The following CDH8 variants were observed in gnomAD, a reference collection of about 807,000 sequenced individuals.
The protein encoded by CDH8 is cadherin 8.
In CDH8, 17 loss-of-function variants were observed where a neutral mutation model predicts 68.1. That is an observed-to-expected ratio of 0.25 (90% CI 0.17 to 0.37). The LOEUF is 0.37. CDH8 is among the 10% of genes least tolerant of loss of function. The pLI is 1.00. For missense variants in CDH8, 763 were observed against 999.3 expected (o/e 0.76, Z 3.19); for synonymous variants, 372 against 365.1 (o/e 1.02, Z -0.21).
At chr16:61,692,958 G>A (rs1964259437) in intron 10 of CDH8, 1 of 152,136 alleles carries the variant, frequency 6.6e-6, no homozygotes, top group Non-Finnish European at 1.5e-5. Flanking sequence ...AATTGGTAAA[G>A]TGCCTACGAT....
intron 10 of CDH8, among the ~76,000 whole-genome samples, chr16:61,682,184 T>C (rs1388054174): frequency 6.6e-6 from 1 of 151,994 alleles, no homozygotes; most frequent in Non-Finnish European, 1.5e-5. Flanking sequence ...ATTTTCCTTT[T>C]ATAATAAGTC....
chr16:61,755,765 T>TCTTCTC (rs138172833), intron 8 of CDH8, among the ~76,000 whole-genome samples: 4 of 150,950 alleles, frequency 2.6e-5, no homozygotes, highest in African/African-American at 7.3e-5. Context: ...TTTTTCTTCT[T>TCTTCTC]CTTCTCCTTC....
chr16:62,024,417 A>T (rs1902147090), intron 1 of CDH8, among the ~76,000 whole-genome samples: 2 of 152,182 alleles, frequency 1.3e-5, no homozygotes, highest in African/African-American at 4.8e-5. Flanking sequence ...ATACTCTGGC[A>T]TCTGCTTTGT....
intron 5 of CDH8, among the ~76,000 whole-genome samples, chr16:61,823,502 G>A (rs879567153): frequency 1.3e-5 from 2 of 151,660 alleles, no homozygotes; most frequent in Non-Finnish European, 2.9e-5. Context: ...ACTTTTCTCT[G>A]CATCCAACAC....
rs1567546588 is a variant in CDH8, at chr16:61,960,346, C to CGTGTGTGT, written c.253-58874_253-58873insACACACAC. Among the ~76,000 whole-genome samples, 22 of 58,010 alleles carry CGTGTGTGT rather than the reference C, an allele frequency of 3.8e-4. 8 individuals carry two copies. The highest frequency in any genetic ancestry group is 5.9e-4 in the African/African-American group (6 of 10,166). The allele number at this position is 58,010 out of a possible 152,430, so 38.1% of individuals were successfully genotyped here. On this transcript the variant is annotated intron_variant, in intron 2 of 11. Transcript: ENST00000577390. ...GTGTGTGTGTATACACACATATATA[C>CGTGTGTGT]ATGTGTGTGTGTATACACATACATA... is the stretch of plus-strand genomic sequence containing the variant.
At chr16:61,736,147 G>GGAAGGAAGGAA (rs1567446571) in intron 8 of CDH8, among the ~76,000 whole-genome samples, 27 of 147,930 alleles carry the variant, frequency 1.8e-4, no homozygotes, top group Admixed American at 1.7e-3. Flanking sequence ...AAGGAAGGAA[G>GGAAGGAAGGAA]GAAGGAAGGA....
chr16:61,752,267 A>G (rs1278880917), intron 8 of CDH8, among the ~76,000 whole-genome samples: 2 of 152,194 alleles, frequency 1.3e-5, no homozygotes, highest in Non-Finnish European at 2.9e-5. Flanking sequence ...ATGTTATGGC[A>G]GAGACTCTAA....
At chr16:61,681,660 A>C (rs945367611) in intron 10 of CDH8, among the ~76,000 whole-genome samples, 10 of 151,864 alleles carry the variant, frequency 6.6e-5, no homozygotes, top group African/African-American at 2.4e-4. Context: ...AAAATGGGCA[A>C]ATTTTATGGA....
chr16:61,912,143 T>C (rs1964172364), intron 2 of CDH8, among the ~76,000 whole-genome samples: 1 of 152,134 alleles, frequency 6.6e-6, no homozygotes, highest in Non-Finnish European at 1.5e-5. Flanking sequence ...AACAGTCATC[T>C]ACTATGAAAT....
intron 10 of CDH8, among the ~76,000 whole-genome samples, chr16:61,706,357 C>T (rs914506825): frequency 1.3e-5 from 2 of 152,048 alleles, no homozygotes; most frequent in Non-Finnish European, 2.9e-5. Flanking sequence ...GTGGCTCACG[C>T]CTGTAATCCC....
intron 9 of CDH8, chr16:61,726,099 G>A (rs553903269): frequency 4.4e-4 from 67 of 150,930 alleles, no homozygotes; most frequent in African/African-American, 1.5e-3. Flanking sequence ...TGTCAGGTAA[G>A]CTGCTTAGCA....
chr16:61,949,299 A>G (rs1964851020), intron 2 of CDH8, among the ~76,000 whole-genome samples: 1 of 152,078 alleles, frequency 6.6e-6, no homozygotes, highest in African/African-American at 2.4e-5. Flanking sequence ...AAATGCACCA[A>G]TCAGCACTCT....
chr16:61,659,090 T>C (rs1016798993), intron 10 of CDH8, among the ~76,000 whole-genome samples: 1 of 152,230 alleles, frequency 6.6e-6, no homozygotes, highest in Non-Finnish European at 1.5e-5. Flanking sequence ...TCTAAGACTT[T>C]CTTTTTATTT....
chr16:61,885,968 T>C (rs1417575820), intron 3 of CDH8, among the ~76,000 whole-genome samples: 1 of 152,178 alleles, frequency 6.6e-6, no homozygotes, highest in Admixed American at 6.5e-5. Flanking sequence ...AGAGTCTTTT[T>C]TCTTACTGAA....
intron 2 of CDH8, among the ~76,000 whole-genome samples, chr16:61,976,755 T>C (rs1417892504): frequency 2.0e-5 from 3 of 152,172 alleles, no homozygotes; most frequent in African/African-American, 4.8e-5. Context: ...CAAGGCATAA[T>C]GGACTTTGGT....
intron 7 of CDH8, among the ~76,000 whole-genome samples, chr16:61,791,631 A>G (rs1190329697): frequency 6.6e-6 from 1 of 152,056 alleles, no homozygotes; most frequent in Non-Finnish European, 1.5e-5. Context: ...AACAAGAATC[A>G]GTCTGATCAC....
At chr16:61,871,714 G>T (rs1963367525) in intron 3 of CDH8, among the ~76,000 whole-genome samples, 1 of 149,146 alleles carries the variant, frequency 6.7e-6, no homozygotes, top group African/African-American at 2.5e-5. Flanking sequence ...CCACTGGCCT[G>T]GGTCCCAATA....
chr16:61,751,800 T>TA (rs1266673248), intron 8 of CDH8, among the ~76,000 whole-genome samples: 1 of 152,144 alleles, frequency 6.6e-6, no homozygotes, highest in African/African-American at 2.4e-5. Flanking sequence ...CTAGTTCAAA[T>TA]ATTTGAAGAT....
At chr16:61,746,500 G>A (rs1205388612) in intron 8 of CDH8, among the ~76,000 whole-genome samples, 3 of 151,500 alleles carry the variant, frequency 2.0e-5, no homozygotes, top group Non-Finnish European at 2.9e-5. Flanking sequence ...CCATGGGAGA[G>A]TTTGTCTGAT....
Sources: gnomAD v4.1 joint callset for allele counts (sites outside exome capture counted in the v4.1 genomes callset) on GRCh38, gnomAD v4.1.1 for gene constraint, MANE v1.5 for transcripts, NCBI Gene and HGNC (gene_info 2026-07-23, HGNC 2026-07-21) for gene names.